Variants in CNTN3 observed in about 807,000 individuals in gnomAD.
The protein encoded by CNTN3 is contactin 3.
A neutral mutation model predicts 119.1 loss-of-function variants in CNTN3; 60 were observed. The ratio of observed to expected loss-of-function variants is 0.50; its 90% CI spans 0.41 to 0.62. The LOEUF is 0.62. CNTN3 is among the 20% of genes least tolerant of loss of function. CNTN3 has a pLI of 0.00. For synonymous variants in CNTN3, 450 were observed against 438.7 expected (o/e 1.03, Z -0.32); for missense variants, 1,101 against 1,242.4 (o/e 0.89, Z 1.71).
intron 3 of CNTN3, 146 bp downstream of exon 3, chr3:74,499,513 A>C: frequency 1.5e-6 from 1 of 649,416 alleles, no homozygotes; most frequent in Non-Finnish European, 2.5e-6. Flanking sequence ...TCATATATTA[A>C]ATCTGTTGAA....
chr3:74,482,240 A>T (rs1702776054), intron 4 of CNTN3, among the ~76,000 whole-genome samples: 1 of 152,128 alleles, frequency 6.6e-6, no homozygotes, highest in East Asian at 1.9e-4. Flanking sequence ...GCAAACAGCT[A>T]ACATCCAAGT....
chr3:74,365,473 C>T, intron 9 of CNTN3, 93 bp downstream of exon 9: 1 of 1,497,900 alleles, frequency 6.7e-7, no homozygotes, highest in South Asian at 1.2e-5. Context: ...TATTTTGGGA[C>T]TAGGGACTAA....
At position 74,488,423 on chromosome 3, in the gene CNTN3, A is replaced by G. The variant is rs186790647; in HGVS notation, c.183-1792T>C. Among the ~76,000 whole-genome samples, 5 of 152,216 alleles carry G rather than the reference A, an allele frequency of 3.3e-5. No homozygotes were observed. In the East Asian group the frequency reaches 9.7e-4, roughly 29 times the overall value. ...CCACTGCACCCGGCCATAAACTTCA[A>G]CTTTAAGGTATTTTAAAGCTCTCAT... On this transcript the variant is annotated intron_variant, in intron 3 of 22. Coordinates refer to ENST00000263665, the MANE Select transcript of CNTN3 (RefSeq NM_020872.3).
At chr3:74,395,518 G>A (rs1355889808) in intron 5 of CNTN3, among the ~76,000 whole-genome samples, 1 of 152,134 alleles carries the variant, frequency 6.6e-6, no homozygotes, top group African/African-American at 2.4e-5. Flanking sequence ...TTATATAAGT[G>A]CCTAATTTAG....
rs1175592429 is a variant in CNTN3 at position 74,397,423 on chromosome 3, T to C, written c.455-26024A>G. ...GCCCGTGTTACTACTGTAATTGTTT[T>C]GGGGCTCCACAAACTGTGCTCATAT... is the stretch of plus-strand genomic sequence containing the variant. On this transcript the variant is annotated intron_variant, in intron 5 of 22. Coordinates refer to ENST00000263665, the MANE Select transcript of CNTN3 (RefSeq NM_020872.3). 2.0e-5 allele frequency among the ~76,000 whole-genome samples: 3 copies of C among 152,056 alleles called. No homozygotes were observed. The East Asian group carries it at 5.8e-4, about 29-fold the overall frequency.
intron 1 of CNTN3, among the ~76,000 whole-genome samples, chr3:74,570,183 T>C (rs1704287816): frequency 6.6e-6 from 1 of 151,832 alleles, no homozygotes; most frequent in Non-Finnish European, 1.5e-5. Flanking sequence ...GTTCTACCCA[T>C]ACCCAAGTAG....
intron 1 of CNTN3, among the ~76,000 whole-genome samples, chr3:74,561,176 AAAAAAAAAAT>A (rs1704148017): frequency 7.3e-6 from 1 of 136,258 alleles, no homozygotes; most frequent in African/African-American, 3.1e-5. Flanking sequence ...AAAGCATAAT[AAAAAAAAAAT>A]AAAAAAAAAT....
At chr3:74,438,630 T>A (rs1158613570) in intron 4 of CNTN3, among the ~76,000 whole-genome samples, 1 of 152,356 alleles carries the variant, frequency 6.6e-6, no homozygotes, top group East Asian at 1.9e-4. Flanking sequence ...AGGAACACCA[T>A]AATTTCTCTT....
At position 74,334,829 on chromosome 3, in the gene CNTN3, T is replaced by C. The variant is rs1205579488; in HGVS notation, c.1574A>G (p.His525Arg). The change falls in exon 13 of 23, where the codon CAT becomes CGT. Residue 525 changes from histidine (H) to arginine (R), a missense_variant. His to Arg is a conservative substitution (Grantham distance 29, BLOSUM62 0). Transcript: ENST00000263665. Reference protein sequence around the residue: ...ESVILPCQVQHDPLLDIIFTW... With the variant: ...ESVILPCQVQRDPLLDIIFTW... ...AAAGATGATGTCTAACAGCGGGTCA[T>C]GTTGTACCTGGCAGGGCAATATGAC... 2.5e-6 allele frequency: 4 copies of C among 1,613,504 alleles called. No homozygotes were observed. The highest frequency in any genetic ancestry group is 1.7e-5 in the Admixed American group (1 of 59,966).
intron 5 of CNTN3, among the ~76,000 whole-genome samples, chr3:74,424,581 T>C (rs780102609): frequency 6.6e-6 from 1 of 152,044 alleles, no homozygotes; most frequent in Admixed American, 6.6e-5. Context: ...TGACAAAGCA[T>C]TGTTTAGCAC....
chr3:74,311,120 A>G (rs1302717813), intron 13 of CNTN3, among the ~76,000 whole-genome samples: 1 of 152,214 alleles, frequency 6.6e-6, no homozygotes, highest in African/African-American at 2.4e-5. Context: ...AATTTGTGTC[A>G]GTAGCCTGTG....
chr3:74,452,510 C>T (rs1702178725), intron 4 of CNTN3, among the ~76,000 whole-genome samples: 1 of 147,020 alleles, frequency 6.8e-6, no homozygotes, highest in African/African-American at 2.6e-5. Context: ...CCTTTATTTC[C>T]TTCTCCTGCC....
rs1167052275 is a variant in CNTN3, at chr3:74,602,295, CAAAAAAAAAAAAAAAA to C, written c.-81+12080_-81+12095del. Among the ~76,000 whole-genome samples, 12 of 19,708 alleles carry C rather than the reference CAAAAAAAAAAAAAAAA, an allele frequency of 6.1e-4. No individual in the cohort carries two copies. The East Asian group carries it at 0.016, about 26-fold the overall frequency. The allele number at this position is 19,708 out of a possible 152,430, so 12.9% of individuals were successfully genotyped here. On this transcript the variant is annotated intron_variant, in intron 1 of 22. Coordinates refer to ENST00000263665, the MANE Select transcript of CNTN3 (RefSeq NM_020872.3). ...CAGGCCACAGAGCAAGACCTGGTCT[CAAAAAAAAAAAAAAAA>C]AAAAAAAAAAAGAACAAACAAAACT...
intron 20 of CNTN3, among the ~76,000 whole-genome samples, chr3:74,284,800 C>T (rs938952904): frequency 5.9e-5 from 9 of 152,144 alleles, no homozygotes; most frequent in Admixed American, 5.2e-4. Context: ...GCAACACTGA[C>T]AACTCTGGTT....
chr3:74,482,181 A>G (rs1454545454), intron 4 of CNTN3, among the ~76,000 whole-genome samples: 2 of 152,038 alleles, frequency 1.3e-5, no homozygotes, highest in African/African-American at 4.8e-5. Flanking sequence ...AAGCCAAAAA[A>G]GGATAGCCAG....
chr3:74,515,992 T>C (rs760109945), intron 2 of CNTN3, among the ~76,000 whole-genome samples: 21 of 151,970 alleles, frequency 1.4e-4, no homozygotes, highest in South Asian at 2.1e-4. Context: ...CAACAGTCTC[T>C]CTTACCCACC....
chr3:74,527,813 G>T (rs1703640971), intron 1 of CNTN3, among the ~76,000 whole-genome samples: 1 of 151,902 alleles, frequency 6.6e-6, no homozygotes, highest in Non-Finnish European at 1.5e-5. Context: ...ATGCAATAAT[G>T]TCGCTTGTAG....
intron 2 of CNTN3, among the ~76,000 whole-genome samples, chr3:74,510,398 T>G (rs1339677369): frequency 6.6e-6 from 1 of 152,068 alleles, no homozygotes. Flanking sequence ...CTACACCCCG[T>G]GCACACCCTT....
At chr3:74,277,850 T>C (rs887595175) in intron 20 of CNTN3, among the ~76,000 whole-genome samples, 1 of 152,104 alleles carries the variant, frequency 6.6e-6, no homozygotes, top group Non-Finnish European at 1.5e-5. Context: ...GATGATATGA[T>C]GGTTTACCTC....
Sources: allele counts gnomAD v4.1 joint callset (sites outside exome capture counted in the v4.1 genomes callset), GRCh38; gene constraint gnomAD v4.1.1; transcripts MANE v1.5; gene names NCBI Gene and HGNC (gene_info 2026-07-23, HGNC 2026-07-21).